Variants in TGFA observed in about 807,000 individuals in gnomAD.
TGFA encodes the protein transforming growth factor alpha.
Under a neutral mutation model 21.7 loss-of-function variants are expected in TGFA, and 12 were observed. That is an observed-to-expected ratio of 0.55 (90% CI 0.35 to 0.90). The LOEUF is 0.90. Among genes scored for constraint, TGFA ranks in the 40% least tolerant of loss-of-function variants. TGFA has a pLI of 0.01. For missense variants in TGFA, 178 were observed against 210.8 expected, an observed-to-expected ratio of 0.84 and a Z score of 0.96; for synonymous variants, 79 against 88.1, an observed-to-expected ratio of 0.90 and a Z score of 0.58.
rs11466217 is a variant in TGFA, at chr2:70,515,761, A to C, written c.41-849T>G. Among the ~76,000 whole-genome samples the C allele has an allele frequency of 2.1e-3, 324 of 152,276 alleles. 1 individual carries two copies. The highest frequency in any genetic ancestry group is 7.4e-3 in the African/African-American group (309 of 41,562). ...CATGTACTTAACCCCAGGCCCTGCC[A>C]GGGATAGATCATGGCAGGAGCAAGA... On this transcript the variant is annotated intron_variant, in intron 1 of 5. Coordinates refer to ENST00000295400, the MANE Select transcript of TGFA (RefSeq NM_003236.4).
chr2:70,510,438 C>T (rs1553500791), intron 2 of TGFA, among the ~76,000 whole-genome samples: 1 of 152,194 alleles, frequency 6.6e-6, no homozygotes, highest in Non-Finnish European at 1.5e-5. Context: ...CTCTACCAAT[C>T]CATCAGTGTG....
intron 3 of TGFA, among the ~76,000 whole-genome samples, chr2:70,459,405 A>G (rs1553491161): frequency 6.6e-6 from 1 of 152,218 alleles, no homozygotes; most frequent in East Asian, 1.9e-4. Flanking sequence ...ATGAAGAAAC[A>G]AAAGCTTCTA....
chr2:70,533,297 T>C (rs1043442048), intron 1 of TGFA, among the ~76,000 whole-genome samples: 12 of 152,284 alleles, frequency 7.9e-5, no homozygotes, highest in African/African-American at 2.9e-4. Flanking sequence ...GACTGCTCTG[T>C]TATAAAATGT....
At chr2:70,537,905 A>C (rs1442601906) in intron 1 of TGFA, among the ~76,000 whole-genome samples, 3 of 152,216 alleles carry the variant, frequency 2.0e-5, no homozygotes, top group African/African-American at 7.2e-5. Flanking sequence ...TTAGAAGATG[A>C]TGCCATCTAG....
At chr2:70,512,568 G>A (rs527906639) in intron 2 of TGFA, among the ~76,000 whole-genome samples, 8 of 152,344 alleles carry the variant, frequency 5.3e-5, no homozygotes, top group African/African-American at 1.9e-4. Flanking sequence ...CCTCAGAGAT[G>A]TTCTCATAGA....
intron 2 of TGFA, among the ~76,000 whole-genome samples, chr2:70,504,332 C>T (rs1320090397): frequency 1.3e-5 from 2 of 150,726 alleles, no homozygotes; most frequent in Non-Finnish European, 3.0e-5. Context: ...ATTACTTGAG[C>T]CCAGGAGGTG....
At position 70,521,613 on chromosome 2, in the gene TGFA, G is replaced by GTTTTTTTTTTTTTTTTTT. The variant is rs59567780; in HGVS notation, c.41-6702_41-6701insAAAAAAAAAAAAAAAAAA. Among the ~76,000 whole-genome samples, 72 of 74,046 alleles carry GTTTTTTTTTTTTTTTTTT rather than the reference G, an allele frequency of 9.7e-4. 4 individuals are homozygous for GTTTTTTTTTTTTTTTTTT. The highest frequency in any genetic ancestry group is 7.9e-3 in the Middle Eastern group (1 of 126). 48.6% of individuals were successfully genotyped at this position (74,046 alleles called of 152,430 possible). A position where few individuals can be genotyped will look rare whatever the true frequency, so the allele number is the denominator to read the frequency against. On this transcript the variant is annotated intron_variant, in intron 1 of 5. Transcript: ENST00000295400. ...TTGATAGTTTTTTTTGTTGTTGTTT[G>GTTTTTTTTTTTTTTTTTT]TTTGTTTTTTTTTTTTTTTTTTTTT...
At chr2:70,488,002 A>G (rs1282747811) in intron 2 of TGFA, among the ~76,000 whole-genome samples, 3 of 152,130 alleles carry the variant, frequency 2.0e-5, no homozygotes, top group Non-Finnish European at 2.9e-5. Context: ...CTTCTCGTCA[A>G]TTTCGTGGCA....
chr2:70,537,339 C>CCTT (rs1553504595), intron 1 of TGFA, among the ~76,000 whole-genome samples: 2 of 152,172 alleles, frequency 1.3e-5, no homozygotes, highest in African/African-American at 4.8e-5. Flanking sequence ...ACAATGGCCT[C>CCTT]TCAGTTTTGA....
chr2:70,504,904 C>T (rs1424936149), intron 2 of TGFA, among the ~76,000 whole-genome samples: 1 of 152,184 alleles, frequency 6.6e-6, no homozygotes, highest in Non-Finnish European at 1.5e-5. Context: ...TAAATCCCAG[C>T]TCTGCCACTT....
At chr2:70,456,251 A>T (rs1195869225) in intron 4 of TGFA, 88 bp downstream of exon 4, 15 of 1,448,134 alleles carry the variant, frequency 1.0e-5, no homozygotes, top group Non-Finnish European at 1.3e-5. Context: ...AGCTGTGCTG[A>T]GGTGGCCCTG....
At chr2:70,464,876 C>T (rs1410595854) in intron 3 of TGFA, among the ~76,000 whole-genome samples, 3 of 152,202 alleles carry the variant, frequency 2.0e-5, no homozygotes, top group African/African-American at 7.2e-5. Context: ...AACCTCTCTA[C>T]TCCCCCTAAC....
intron 2 of TGFA, among the ~76,000 whole-genome samples, chr2:70,472,085 C>T (rs1670768627): frequency 1.3e-5 from 2 of 151,710 alleles, no homozygotes; most frequent in African/African-American, 2.4e-5. Flanking sequence ...AAGAAAATAG[C>T]GAGTGAGGGA....
At chr2:70,482,142 T>TA (rs1234515424) in intron 2 of TGFA, among the ~76,000 whole-genome samples, 39 of 151,992 alleles carry the variant, frequency 2.6e-4, no homozygotes, top group African/African-American at 8.2e-4. Context: ...TTTCTTAAAA[T>TA]AGTCTACTAT....
At chr2:70,532,869 T>TC (rs201468077) in intron 1 of TGFA, among the ~76,000 whole-genome samples, 1 of 138,724 alleles carries the variant, frequency 7.2e-6, no homozygotes, top group Admixed American at 6.8e-5. Flanking sequence ...CTTTTTCTTT[T>TC]TTTTTTTTTT....
At chr2:70,527,444 G>A (rs1477779439) in intron 1 of TGFA, among the ~76,000 whole-genome samples, 1 of 152,188 alleles carries the variant, frequency 6.6e-6, no homozygotes, top group African/African-American at 2.4e-5. Context: ...TGGGAGAGGG[G>A]AGAAAGGGAT....
At chr2:70,468,057 G>A (rs7578860) in intron 2 of TGFA, among the ~76,000 whole-genome samples, 4,952 of 152,212 alleles carry the variant, frequency 0.033, 247 homozygotes, top group African/African-American at 0.1. Flanking sequence ...GTTAAGTTCT[G>A]TACTCAAGAG....
intron 4 of TGFA, among the ~76,000 whole-genome samples, chr2:70,454,421 A>G (rs1437350540): frequency 1.3e-5 from 2 of 152,228 alleles, no homozygotes; most frequent in African/African-American, 4.8e-5. Flanking sequence ...GGGAGCCCAG[A>G]GCAGTGTGCC....
intron 2 of TGFA, among the ~76,000 whole-genome samples, chr2:70,506,512 A>G (rs1671931924): frequency 6.6e-6 from 1 of 152,210 alleles, no homozygotes; most frequent in Admixed American, 6.5e-5. Flanking sequence ...ATGTAAGACC[A>G]CTACCATAGG....
Sources: allele counts gnomAD v4.1 joint callset (sites outside exome capture counted in the v4.1 genomes callset), GRCh38; gene constraint gnomAD v4.1.1; transcripts MANE v1.5; gene names NCBI Gene and HGNC (gene_info 2026-07-23, HGNC 2026-07-21).